BEST2: variants seen among roughly 807,000 people sequenced by gnomAD.
BEST2 encodes the protein bestrophin 2, also known as bestrophin-2a.
Under a neutral mutation model 49.0 loss-of-function variants are expected in BEST2, and 36 were observed. The ratio of observed to expected loss-of-function variants is 0.73; its 90% CI spans 0.56 to 0.97. The LOEUF is 0.97. Among genes scored for constraint, BEST2 ranks in the 50% least tolerant of loss-of-function variants. The probability of loss-of-function intolerance (pLI) is 0.00; values close to 1 mark genes in which losing one functional copy is unlikely to be tolerated. For missense variants in BEST2, 672 were observed against 710.0 expected, an observed-to-expected ratio of 0.95 and a Z score of 0.61; for synonymous variants, 335 against 304.4, an observed-to-expected ratio of 1.10 and a Z score of -1.05.
In BEST2 at chr19:12,752,488, T is replaced by C. The variant is rs1599456520; in HGVS notation, c.-51-54T>C. 5 of 1,266,332 alleles carry C rather than the reference T, an allele frequency of 3.9e-6. No homozygotes were observed. In the African/African-American group the frequency reaches 4.4e-5, roughly 11 times the overall value. The allele number at this position is 1,266,332 out of a possible 1,614,324, so 78.4% of individuals were successfully genotyped here. A position where few individuals can be genotyped will look rare whatever the true frequency, so the allele number is the denominator to read the frequency against. On this transcript the variant is annotated intron_variant, in intron 1 of 9. Coordinates refer to ENST00000553030, the MANE Select transcript of BEST2 (RefSeq NM_017682.3). ...ACTGAAGGGGTGGCGGGCCGGAACA[T>C]GGGTGGAATCCCTGTGCTCAGTTAT...
chr19:12,755,078 T>C lies in BEST2; in HGVS notation c.636+47T>C. On this transcript the variant is annotated intron_variant, in intron 5 of 9. Transcript: ENST00000553030. This position sits in a 1 kb window ranked among gnomAD's most constrained non-coding sequence, Gnocchi z 4.4. Reference sequence around the variant, plus strand: ...TTCATATAGAATACCAGGGAAATTGTACCCCTGGAGCTGTGTCAACGGCGG... The same window carrying C: ...TTCATATAGAATACCAGGGAAATTGCACCCCTGGAGCTGTGTCAACGGCGG... The C allele has an allele frequency of 6.4e-7, 1 of 1,556,750 alleles. No individual in the cohort carries two copies.
chr19:12,755,161 C>T lies in BEST2; in HGVS notation c.636+130C>T. 4.9e-6 allele frequency: 6 copies of T among 1,225,310 alleles called. No homozygotes were observed. The highest frequency in any genetic ancestry group is 6.7e-6 in the Non-Finnish European group (6 of 895,148). The allele number at this position is 1,225,310 out of a possible 1,614,324, so 75.9% of individuals were successfully genotyped here. ...ACACCCTCACCAGGTGCACTCTTACCTCCATGGGGCTGATTCCAATGCCCT... is the reference window on the plus strand; with the variant it reads ...ACACCCTCACCAGGTGCACTCTTACTTCCATGGGGCTGATTCCAATGCCCT... On this transcript the variant is annotated intron_variant, in intron 5 of 9. Coordinates refer to ENST00000553030, the MANE Select transcript of BEST2 (RefSeq NM_017682.3). This position sits in a 1 kb window ranked among gnomAD's most constrained non-coding sequence, Gnocchi z 4.4.
chr19:12,753,458 C>A (rs1286462868), intron 3 of BEST2, 104 bp downstream of exon 3: 31 of 1,116,678 alleles, frequency 2.8e-5, no homozygotes, highest in Middle Eastern at 4.5e-4. Context: ...GATCCCCCCC[C>A]TCAAATCCAA....
chr19:12,755,243 T>C lies in BEST2; in HGVS notation c.637-136T>C. The C allele has an allele frequency of 9.4e-7, 1 of 1,068,344 alleles. No homozygotes were observed. The highest frequency in any genetic ancestry group is 1.4e-6 in the Non-Finnish European group (1 of 720,920). The allele number at this position is 1,068,344 out of a possible 1,614,324, so 66.2% of individuals were successfully genotyped here. On this transcript the variant is annotated intron_variant, in intron 5 of 9. Coordinates refer to ENST00000553030, the MANE Select transcript of BEST2 (RefSeq NM_017682.3). The surrounding 1 kb of genome is among the most constrained non-coding windows in gnomAD (Gnocchi z 4.4). ...ATCCAGGTGCACACTCACCACCAAATACCCTCCCTGGAACCCCCAAAGCAC... is the reference window on the plus strand; with the variant it reads ...ATCCAGGTGCACACTCACCACCAAACACCCTCCCTGGAACCCCCAAAGCAC...
rs747938909 is a variant in BEST2, at chr19:12,754,595, C to T, written c.291C>T (p.Tyr97=). 6.4e-7 allele frequency: 1 copy of T among 1,563,472 alleles called. No individual in the cohort carries two copies. Residue 97 remains tyrosine (Y), a synonymous_variant, in exon 4 of 10, where the codon TAC becomes TAT. Transcript: ENST00000553030. Reference sequence around the variant, plus strand: ...TGGTGAACCGCTGGTGGAGCCAGTACCTATGCATGCCGCTGCCCGACGCGC... The same window carrying T: ...TGGTGAACCGCTGGTGGAGCCAGTATCTATGCATGCCGCTGCCCGACGCGC... ...TLVVNRWWSQ[Y]LCMPLPDALM...
chr19:12,757,795 T>C lies in BEST2; in HGVS notation c.1248T>C (p.Phe416=). 1.3e-6 allele frequency: 2 copies of C among 1,548,208 alleles called. No individual in the cohort carries two copies. Among genetic ancestry groups the C allele is most frequent in the Non-Finnish European group, 1.7e-6 (2 of 1,146,542 alleles). The stretch of plus-strand genomic sequence containing the variant: ...GCCCGCTGGGCCGGCGCCTGTCCTT[T>C]CTACTCCGCAAGAACAGCTGCGTGT... ...AGGPLGRRLS[F]LLRKNSCVSE... is the part of the protein sequence containing the mutation. The change falls in exon 10 of 10, where the codon TTT becomes TTC. Residue 416 remains phenylalanine, a synonymous_variant. Transcript: ENST00000553030.
Position 12,754,670 on chromosome 19 carries a change from C to T in BEST2, c.366C>T (p.Arg122=). 6.4e-7 allele frequency: 1 copy of T among 1,570,502 alleles called. No individual in the cohort carries two copies. The change falls in exon 4 of 10, where the codon CGC becomes CGT. Residue 122 remains arginine, a synonymous_variant. Coordinates refer to ENST00000553030, the MANE Select transcript of BEST2 (RefSeq NM_017682.3). ...TGCACGGACGCGACGACCGCGGCCG[C>T]CTCTACCGGCGCACACTCATGCGCT... ...GTVHGRDDRG[R]LYRRTLMRYA...
rs1318409072 is a variant in BEST2, at chr19:12,757,938, C to T, written c.1391C>T (p.Pro464Leu). The change falls in exon 10 of 10, where the codon CCC becomes CTC. Residue 464 changes from proline (P) to leucine (L), a missense_variant. Around this residue, in one of 3 missense-constraint regions of BEST2, gnomAD observed 291 missense variants for 279.8 expected, o/e 1.04. Transcript: ENST00000553030. ...DPGLPEPEAP[P>L]PAGPEPLTLI... is the part of the protein sequence containing the mutation. ...GGCCTGCCGGAGCCCGAGGCCCCGC[C>T]CCCTGCGGGTCCCGAACCGCTTACC... 2 of 1,583,922 alleles carry T rather than the reference C, an allele frequency of 1.3e-6. No homozygotes were observed. Among genetic ancestry groups the T allele is most frequent in the Non-Finnish European group, 1.7e-6 (2 of 1,167,226 alleles).
In BEST2 at chr19:12,756,230, A is replaced by G. The variant is rs563894112; in HGVS notation, c.1038A>G (p.Pro346=). ...GGGATGCAGCCGAGGCTCGCGCCCC[A>G]TACACAGCGGCTACTGTCTTCCAGC... The part of the protein sequence containing the change: ...LYWDAAEARA[P]YTAATVFQLR... The change falls in exon 9 of 10, where the codon CCA becomes CCG. Residue 346 remains proline, a synonymous_variant. Coordinates refer to ENST00000553030, the MANE Select transcript of BEST2 (RefSeq NM_017682.3). 6.2e-7 allele frequency: 1 copy of G among 1,614,182 alleles called. No homozygotes were observed. The highest frequency in any genetic ancestry group is 2.2e-5 in the East Asian group (1 of 44,886).
rs758616991 is a variant in BEST2 at position 12,757,631 on chromosome 19, G to T, written c.1104-20G>T. On this transcript the variant is annotated intron_variant, in intron 9 of 9. Transcript: ENST00000553030. ...AACAAGAGGCGAGGCCGCAGCGCTG[G>T]CCCACTGTCGGTCCCGCAGGCTGGC... is the stretch of plus-strand genomic sequence containing the variant. 1 of 1,528,118 alleles carries T rather than the reference G, an allele frequency of 6.5e-7. No homozygotes were observed. Among genetic ancestry groups the T allele is most frequent in the South Asian group, 1.2e-5 (1 of 83,034 alleles). 94.7% of individuals were successfully genotyped at this position (1,528,118 alleles called of 1,614,324 possible).
At position 12,755,984 on chromosome 19, in the gene BEST2, G is replaced by A. The variant is rs778274843; in HGVS notation, c.948+49G>A. On this transcript the variant is annotated intron_variant, in intron 8 of 9. Transcript: ENST00000553030. This position sits in a 1 kb window ranked among gnomAD's most constrained non-coding sequence, Gnocchi z 4.4. The stretch of plus-strand genomic sequence containing the variant: ...ACTTCCAGGTGGCGACCATCCCGGA[G>A]TGCCCAACAGGGTTCTGGTCCCACC... The A allele has an allele frequency of 1.0e-5, 16 of 1,599,070 alleles. No individual in the cohort carries two copies. In the South Asian group the frequency reaches 1.3e-4, roughly 13 times the overall value.
In BEST2 at chr19:12,755,896, T is replaced by C; in HGVS notation, c.909T>C (p.Asp303=). The part of the protein sequence containing the change: ...QLINPFGEDD[D]DFETNFLIDR... The stretch of plus-strand genomic sequence containing the variant: ...TCAACCCCTTCGGAGAGGACGATGA[T>C]GACTTTGAGACCAACTTTCTGATCG... Residue 303 remains aspartate, a synonymous_variant, in exon 8 of 10, where the codon GAT becomes GAC. Coordinates refer to ENST00000553030, the MANE Select transcript of BEST2 (RefSeq NM_017682.3). The surrounding 1 kb of genome is among the most constrained non-coding windows in gnomAD (Gnocchi z 4.4). 6.2e-7 allele frequency: 1 copy of C among 1,614,212 alleles called. No individual in the cohort carries two copies. The highest frequency in any genetic ancestry group is 8.5e-7 in the Non-Finnish European group (1 of 1,180,028).
rs773964780 is a variant in BEST2 at position 12,752,604 on chromosome 19, C to G, written c.12C>G (p.Thr4=). 13 of 1,611,938 alleles carry G rather than the reference C, an allele frequency of 8.1e-6. No individual in the cohort carries two copies. The highest frequency in any genetic ancestry group is 1.1e-5 in the Non-Finnish European group (13 of 1,179,716). ...TGCCGGGTGCCACGATGACCGTCAC[C>G]TACACAGCCCGAGTGGCGAACGCCC... The part of the protein sequence containing the change: MTV[T]YTARVANARF... The change falls in exon 2 of 10, where the codon ACC becomes ACG. Residue 4 remains threonine (T), a synonymous_variant. Coordinates refer to ENST00000553030, the MANE Select transcript of BEST2 (RefSeq NM_017682.3).
At position 12,752,655 on chromosome 19, in the gene BEST2, G is replaced by A. The variant is rs1967883846; in HGVS notation, c.63G>A (p.Leu21=). 1 of 1,612,704 alleles carries A rather than the reference G, an allele frequency of 6.2e-7. No individual in the cohort carries two copies. Among genetic ancestry groups the A allele is most frequent in the Non-Finnish European group, 8.5e-7 (1 of 1,179,958 alleles). Residue 21 remains leucine, a synonymous_variant, in exon 2 of 10, where the codon CTG becomes CTA. Coordinates refer to ENST00000553030, the MANE Select transcript of BEST2 (RefSeq NM_017682.3). ...GCTTCGGTGGCTTCTCCCAGCTGCTGCTACTGTGGCGTGGGAGCATCTACA... is the reference window on the plus strand; with the variant it reads ...GCTTCGGTGGCTTCTCCCAGCTGCTACTACTGTGGCGTGGGAGCATCTACA... ...NARFGGFSQL[L]LLWRGSIYKL...
chr19:12,757,849 A>T lies in BEST2; in HGVS notation c.1302A>T (p.Ser434=), dbSNP rs921356885. 6.5e-7 allele frequency: 1 copy of T among 1,549,322 alleles called. No homozygotes were observed. The highest frequency in any genetic ancestry group is 8.7e-7 in the Non-Finnish European group (1 of 1,146,756). ...AGGCGTCTACTGGGGCCAGCTGCTC[A>T]TGCGCGGTTGTCCCCGAAGGCGCGG... The part of the protein sequence containing the change: ...VSEASTGASC[S]CAVVPEGAAP... Residue 434 remains serine (S), a synonymous_variant, in exon 10 of 10, where the codon TCA becomes TCT. Coordinates refer to ENST00000553030, the MANE Select transcript of BEST2 (RefSeq NM_017682.3).
rs1295159301 is a variant in BEST2, at chr19:12,754,888, C to T, written c.493C>T (p.Arg165Cys). 18 of 1,612,404 alleles carry T rather than the reference C, an allele frequency of 1.1e-5. No homozygotes were observed. The highest frequency in any genetic ancestry group is 1.7e-5 in the Admixed American group (1 of 59,670). Residue 165 changes from arginine to cysteine, a missense_variant, in exon 5 of 10, where the codon CGC (arginine) becomes TGC (cysteine). Arg to Cys is a radical substitution (Grantham distance 180). Transcript: ENST00000553030. ...CCCCTTTCCTCCAGGGTTTATGACC[C>T]GCGAGGAGCGCAAGAAGTTTGAAAA... is the stretch of plus-strand genomic sequence containing the variant. ...DHVVEAGFMT[R>C]EERKKFENLN...
At position 12,754,866 on chromosome 19, in the gene BEST2, C is replaced by T. The variant is rs2145704601; in HGVS notation, c.482-11C>T. The T allele has an allele frequency of 1.4e-5, 23 of 1,609,248 alleles. No individual in the cohort carries two copies. The highest frequency in any genetic ancestry group is 6.7e-5 in the South Asian group (6 of 90,166). Reference sequence around the variant, plus strand: ...GCAAGGGGCGAGCTATCCCTGACCCCTTTCCTCCAGGGTTTATGACCCGCG... The same window carrying T: ...GCAAGGGGCGAGCTATCCCTGACCCTTTTCCTCCAGGGTTTATGACCCGCG... On this transcript the variant is annotated splice_polypyrimidine_tract_variant and intron_variant, in intron 4 of 9. Coordinates refer to ENST00000553030, the MANE Select transcript of BEST2 (RefSeq NM_017682.3).
At chr19:12,757,530 A>C in intron 9 of BEST2, 121 bp from the exon 10 acceptor site, 1 of 1,134,538 alleles carries the variant, frequency 8.8e-7, no homozygotes, top group Non-Finnish European at 1.2e-6. Flanking sequence ...TTTAGGAGCT[A>C]AGATCTTTGG....
rs1199115547 is a variant in BEST2 at position 12,756,167 on chromosome 19, G to A, written c.975G>A (p.Met325Ile). Reference protein sequence around the residue: ...FQVSMLAVDEMYDDLAVLEKD... With the variant: ...FQVSMLAVDEIYDDLAVLEKD... ...TGTCCATGCTGGCAGTGGACGAGATGTATGATGACCTGGCTGTGCTGGAGA... is the reference window on the plus strand; with the variant it reads ...TGTCCATGCTGGCAGTGGACGAGATATATGATGACCTGGCTGTGCTGGAGA... Residue 325 changes from methionine to isoleucine, a missense_variant, in exon 9 of 10, where the codon ATG becomes ATA. Transcript: ENST00000553030. The A allele has an allele frequency of 3.7e-6, 6 of 1,614,256 alleles. No individual in the cohort carries two copies. The highest frequency in any genetic ancestry group is 5.1e-6 in the Non-Finnish European group (6 of 1,180,054).
Sources: gnomAD v4.1 joint callset for allele counts on GRCh38, gnomAD v4.1.1 for gene constraint, gnomAD v4.1.1 regional missense constraint, Gnocchi (gnomAD v3.1) non-coding constraint, MANE v1.5 for transcripts, NCBI Gene and HGNC (gene_info 2026-07-23, HGNC 2026-07-21) for gene names.